The following SRGAP3 variants were observed in gnomAD, a reference collection of about 807,000 sequenced individuals.
SRGAP3 encodes the protein SLIT-ROBO Rho GTPase activating protein 3.
Under a neutral mutation model 121.1 loss-of-function variants are expected in SRGAP3, and 39 were observed. The observed-to-expected ratio is 0.32, with a 90% CI of 0.25 to 0.42. The LOEUF is 0.42. Ranked by LOEUF, SRGAP3 falls within the 10% of genes least tolerant of loss-of-function variation. The pLI, the probability that SRGAP3 is intolerant of heterozygous loss-of-function variation, is 1.00. For missense variants in SRGAP3, 1,213 were observed against 1,470.6 expected (o/e 0.82, Z 2.86); for synonymous variants, 601 against 570.0 (o/e 1.05, Z -0.77).
intron 10 of SRGAP3, among the ~76,000 whole-genome samples, chr3:9,040,151 G>A (rs1037175168): frequency 1.4e-4 from 22 of 152,104 alleles, no homozygotes; most frequent in African/African-American, 5.3e-4. Flanking sequence ...TTTTAACTGG[G>A]TCTCCTATTC....
chr3:9,223,828 G>A (rs1952896828), intron 1 of SRGAP3, among the ~76,000 whole-genome samples: 1 of 152,182 alleles, frequency 6.6e-6, no homozygotes, highest in Non-Finnish European at 1.5e-5. Context: ...ATAGAAAAGT[G>A]CATGACTGTA....
At chr3:9,362,262 T>TTC (rs35654324) in intron 1 of SRGAP3, among the ~76,000 whole-genome samples, 128,805 of 148,428 alleles carry the variant, frequency 0.87, 56,162 homozygotes, top group African/African-American at 0.94. Flanking sequence ...GCCTCCTGGG[T>TTC]AAGCAACTCT....
At chr3:9,205,752 T>C (rs1952244524) in intron 1 of SRGAP3, among the ~76,000 whole-genome samples, 1 of 152,128 alleles carries the variant, frequency 6.6e-6, no homozygotes, top group African/African-American at 2.4e-5. Context: ...GATAAACAGA[T>C]AAACAAATGT....
Position 9,064,433 on chromosome 3 carries a change from C to T in SRGAP3, c.635G>A (p.Arg212His), listed in dbSNP as rs1459321136. ...LLRHEDRPQR[R>H]SSVKKIEKMK... is the part of the protein sequence containing the mutation. ...CTTCTCAATCTTCTTCACAGAGCTGCGGCGCTGGGGCCGGTCCTCGTGCCG... is the reference window on the plus strand; with the variant it reads ...CTTCTCAATCTTCTTCACAGAGCTGTGGCGCTGGGGCCGGTCCTCGTGCCG... Residue 212 changes from arginine to histidine, a missense_variant, in exon 5 of 22, where the codon CGC (arginine) becomes CAC (histidine). This residue lies in a region of SRGAP3 where 793 missense variants were observed against 1,032.9 expected (regional missense o/e 0.77). Coordinates refer to ENST00000383836, the MANE Select transcript of SRGAP3 (RefSeq NM_014850.4). 1.9e-6 allele frequency: 3 copies of T among 1,614,240 alleles called. No homozygotes were observed. The highest frequency in any genetic ancestry group is 1.1e-5 in the South Asian group (1 of 91,084).
intron 2 of SRGAP3, among the ~76,000 whole-genome samples, chr3:9,122,995 C>T (rs1949071102): frequency 6.6e-6 from 1 of 152,192 alleles, no homozygotes; most frequent in South Asian, 2.1e-4. Context: ...CCATATTATT[C>T]AGCCTGAAAA....
rs569739434 is a variant in SRGAP3, at chr3:9,317,949, C to T, written n.442+8061G>A. ...CCTATGGATACAGGCTACATGCTTT[C>T]TACAGGTGCTGGTTATGGTTCTTAA... On this transcript the variant is annotated intron_variant and non_coding_transcript_variant, in intron 3 of 3. Transcript: ENST00000490889. 5.3e-4 allele frequency among the ~76,000 whole-genome samples: 81 copies of T among 152,364 alleles called. 1 individual carries two copies. The highest frequency in any genetic ancestry group is 6.8e-3 in the Middle Eastern group (2 of 294).
intron 1 of SRGAP3, among the ~76,000 whole-genome samples, chr3:9,335,585 A>G (rs1267629167): frequency 6.6e-6 from 1 of 152,176 alleles, no homozygotes. Flanking sequence ...TTTGGACAGT[A>G]GTTCTCAAAG....
chr3:9,118,700 C>G (rs79211323), intron 2 of SRGAP3, among the ~76,000 whole-genome samples: 3,848 of 152,162 alleles, frequency 0.025, 156 homozygotes, highest in African/African-American at 0.088. Context: ...GGCCCCCCCC[C>G]CAAGAAGTTC....
chr3:9,209,195 T>C (rs1278839024), intron 1 of SRGAP3, among the ~76,000 whole-genome samples: 2 of 152,182 alleles, frequency 1.3e-5, no homozygotes, highest in African/African-American at 4.8e-5. Context: ...GGGGTTTCTC[T>C]CCTAACACAT....
intron 3 of SRGAP3, among the ~76,000 whole-genome samples, chr3:9,285,525 A>G (rs1422214471): frequency 6.6e-6 from 1 of 152,218 alleles, no homozygotes; most frequent in African/African-American, 2.4e-5. Context: ...GGGATGCAGA[A>G]AAGAATCTGA....
chr3:9,172,812 C>A (rs187113704), intron 1 of SRGAP3, among the ~76,000 whole-genome samples: 31 of 152,198 alleles, frequency 2.0e-4, no homozygotes, highest in African/African-American at 7.2e-4. Flanking sequence ...GAAGGGCAAG[C>A]GCAGACTAGA....
intron 4 of SRGAP3, among the ~76,000 whole-genome samples, chr3:9,068,360 C>G (rs1381213370): frequency 6.6e-6 from 1 of 152,084 alleles, no homozygotes; most frequent in East Asian, 1.9e-4. Flanking sequence ...ATTTTCTCTC[C>G]CTTTACATCA....
chr3:9,335,069 C>T (rs1178235766), intron 1 of SRGAP3, among the ~76,000 whole-genome samples: 1 of 152,176 alleles, frequency 6.6e-6, no homozygotes, highest in African/African-American at 2.4e-5. Flanking sequence ...AACAAATCAT[C>T]CCACAACTTA....
chr3:9,352,921 G>A (rs1223455558), intron 1 of SRGAP3, among the ~76,000 whole-genome samples: 1 of 152,228 alleles, frequency 6.6e-6, no homozygotes, highest in Non-Finnish European at 1.5e-5. Flanking sequence ...TTCCCTGAGT[G>A]TCCTGATTGG....
At chr3:9,048,899 A>T (rs952720179) in intron 9 of SRGAP3, among the ~76,000 whole-genome samples, 1 of 152,182 alleles carries the variant, frequency 6.6e-6, no homozygotes, top group Non-Finnish European at 1.5e-5. Context: ...CAAAGTGGAC[A>T]TTTGAGCCAA....
chr3:9,082,348 A>C (rs1947285052), intron 3 of SRGAP3, among the ~76,000 whole-genome samples: 1 of 152,198 alleles, frequency 6.6e-6, no homozygotes, highest in African/African-American at 2.4e-5. Context: ...GAACAGACTA[A>C]TACAATGCCC....
chr3:9,108,181 T>C (rs562528836), intron 2 of SRGAP3, among the ~76,000 whole-genome samples: 32 of 152,274 alleles, frequency 2.1e-4, no homozygotes, highest in Middle Eastern at 3.4e-3. Context: ...ACCTGTCCTG[T>C]ACACTAGAAT....
chr3:9,040,534 T>C (rs1010334730), intron 10 of SRGAP3, among the ~76,000 whole-genome samples: 7 of 151,854 alleles, frequency 4.6e-5, no homozygotes, highest in African/African-American at 1.7e-4. Context: ...CTATCTTTAT[T>C]ATTTATTTTA....
intron 1 of SRGAP3, among the ~76,000 whole-genome samples, chr3:9,142,265 A>T (rs1949879881): frequency 1.3e-5 from 2 of 152,208 alleles, no homozygotes; most frequent in Admixed American, 1.3e-4. Context: ...CCTTGGTATG[A>T]TTATTATTAC....
Sources: allele counts gnomAD v4.1 joint callset (sites outside exome capture counted in the v4.1 genomes callset), GRCh38; gene constraint gnomAD v4.1.1; regional missense constraint gnomAD v4.1.1; transcripts MANE v1.5; gene names NCBI Gene and HGNC (gene_info 2026-07-23, HGNC 2026-07-21).